ACTN1: variants seen among roughly 807,000 people sequenced by gnomAD.
ACTN1 encodes the protein alpha-actinin-1.
A neutral mutation model predicts 119.6 loss-of-function variants in ACTN1; 30 were observed. That is an observed-to-expected ratio of 0.25 (90% confidence interval 0.19 to 0.34). The LOEUF is 0.34. ACTN1 is among the 10% of genes least tolerant of loss of function. The pLI is 1.00. For missense variants in ACTN1, 764 were observed against 1,223.4 expected, an observed-to-expected ratio of 0.62 and a Z score of 5.60; for synonymous variants, 429 against 472.6, an observed-to-expected ratio of 0.91 and a Z score of 1.20.
chr14:68,882,639 G>C lies in ACTN1; in HGVS notation c.1819-47C>G, dbSNP rs767522648. ...GACTTTCAGGATGGGTCAGCCATCTGTCCATGTGCCAGATGAGGAAATGGA... is the reference window on the plus strand; with the variant it reads ...GACTTTCAGGATGGGTCAGCCATCTCTCCATGTGCCAGATGAGGAAATGGA... On this transcript the variant is annotated intron_variant, in intron 15 of 21. Coordinates refer to ENST00000394419, the MANE Select transcript of ACTN1 (RefSeq NM_001130004.2). The surrounding 1 kb of genome is among the most constrained non-coding windows in gnomAD (Gnocchi z 4.5). The C allele has an allele frequency of 6.2e-6, 10 of 1,608,900 alleles. No individual in the cohort carries two copies. The highest frequency in any genetic ancestry group is 8.5e-6 in the Non-Finnish European group (10 of 1,176,336).
rs1387781069 is a variant in ACTN1 at position 68,897,917 on chromosome 14, G to A, written c.763-4170C>T. The stretch of plus-strand genomic sequence containing the variant: ...ACTGCAGGCTCCGCCTGCATACCCC[G>A]AAGCTTCTTGCACAAGCTGTGGTCA... On this transcript the variant is annotated intron_variant, in intron 8 of 21. Coordinates refer to ENST00000394419, the MANE Select transcript of ACTN1 (RefSeq NM_001130004.2). Among the ~76,000 whole-genome samples the A allele has an allele frequency of 5.9e-5, 9 of 152,242 alleles. No homozygotes were observed. The South Asian group carries it at 8.3e-4, about 14-fold the overall frequency.
At position 68,885,578 on chromosome 14, in the gene ACTN1, G is replaced by A. The variant is rs765591478; in HGVS notation, c.1235-3C>T. 1.1e-5 allele frequency: 17 copies of A among 1,612,306 alleles called. No individual in the cohort carries two copies. Among genetic ancestry groups the A allele is most frequent in the Non-Finnish European group, 1.4e-5 (17 of 1,179,940 alleles). ...CTGTCGCAGCATGGCCTCTTTGCCT[G>A]GGTTGAGAGAGGGCCACATGGCTGA... On this transcript the variant is annotated splice_region_variant and splice_polypyrimidine_tract_variant and intron_variant, in intron 11 of 21. Coordinates refer to ENST00000394419, the MANE Select transcript of ACTN1 (RefSeq NM_001130004.2). The surrounding 1 kb of genome is among the most constrained non-coding windows in gnomAD (Gnocchi z 5.6).
intron 1 of ACTN1, among the ~76,000 whole-genome samples, chr14:68,962,569 T>C (rs1486585873): frequency 6.6e-6 from 1 of 152,188 alleles, no homozygotes. Context: ...GCTTCCAACC[T>C]GAGACTACTT....
At chr14:68,975,496 A>T (rs2037030530) in intron 1 of ACTN1, among the ~76,000 whole-genome samples, 1 of 152,132 alleles carries the variant, frequency 6.6e-6, no homozygotes. Flanking sequence ...ACAAGCCTGA[A>T]AATAATAGAG....
intron 1 of ACTN1, among the ~76,000 whole-genome samples, chr14:68,933,335 C>T (rs1165513739): frequency 3.3e-5 from 5 of 151,872 alleles, no homozygotes; most frequent in Non-Finnish European, 5.9e-5. Flanking sequence ...GGGGTTTCAC[C>T]GTGTTGGCCA....
At chr14:68,899,439 GAC>G (rs1161010484) in intron 8 of ACTN1, among the ~76,000 whole-genome samples, 15 of 113,656 alleles carry the variant, frequency 1.3e-4, no homozygotes, top group Admixed American at 8.5e-4. Context: ...ACACCCCCCA[GAC>G]ACACACCTTA....
chr14:68,944,250 G>A (rs1213178807), intron 1 of ACTN1, among the ~76,000 whole-genome samples: 1 of 152,206 alleles, frequency 6.6e-6, no homozygotes, highest in Non-Finnish European at 1.5e-5. Context: ...GAGAAAGACC[G>A]ATGAATAATT....
rs145918825 is a variant in ACTN1, at chr14:68,909,332, C to G, written c.580G>C (p.Gly194Arg). Reference protein sequence around the residue: ...HRHRPELIDYGKLRKDDPLTN... With the variant: ...HRHRPELIDYRKLRKDDPLTN... ...GGCACACATACCTTCCGCAGCTTCC[C>G]GTAGTCAATCAGCTCGGGCCGGTGT... The change falls in exon 6 of 22, where the codon GGG becomes CGG. Residue 194 changes from glycine to arginine, a missense_variant. Physicochemically the swap from Gly to Arg is moderately radical, Grantham distance 125 (BLOSUM62 -2). Coordinates refer to ENST00000394419, the MANE Select transcript of ACTN1 (RefSeq NM_001130004.2). This position sits in a 1 kb window ranked among gnomAD's most constrained non-coding sequence, Gnocchi z 4.1. 1 of 1,613,950 alleles carries G rather than the reference C, an allele frequency of 6.2e-7. No individual in the cohort carries two copies. Among genetic ancestry groups the G allele is most frequent in the East Asian group, 2.2e-5 (1 of 44,874 alleles).
intron 1 of ACTN1, among the ~76,000 whole-genome samples, chr14:68,969,751 A>G (rs1048105948): frequency 1.3e-5 from 2 of 152,188 alleles, no homozygotes; most frequent in Admixed American, 1.3e-4. Flanking sequence ...AAGAATTAAA[A>G]GCTCCACTTC....
At position 68,875,029 on chromosome 14, in the gene ACTN1, G is replaced by T. The variant is rs201818845; in HGVS notation, c.2587-12C>A. 6.2e-7 allele frequency: 1 copy of T among 1,611,918 alleles called. No homozygotes were observed. The highest frequency in any genetic ancestry group is 1.7e-5 in the Admixed American group (1 of 59,984). On this transcript the variant is annotated splice_polypyrimidine_tract_variant and intron_variant, in intron 21 of 21. Transcript: ENST00000394419. Reference sequence around the variant, plus strand: ...ATGGTAATGTAGTTCTGCGAGGAGAGAGTGGTCAGGAAGGCCGCAAAGTCC... The same window carrying T: ...ATGGTAATGTAGTTCTGCGAGGAGATAGTGGTCAGGAAGGCCGCAAAGTCC...
At chr14:68,975,624 G>C (rs2037035672) in intron 1 of ACTN1, among the ~76,000 whole-genome samples, 1 of 152,186 alleles carries the variant, frequency 6.6e-6, no homozygotes, top group African/African-American at 2.4e-5. Context: ...ACTGGGGGCT[G>C]CAGTCACCCT....
chr14:68,977,741 T>G (rs2037108225), intron 1 of ACTN1: 1 of 318,272 alleles, frequency 3.1e-6, no homozygotes, highest in Non-Finnish European at 6.2e-6. Context: ...TTTTTGGACA[T>G]GAGCGTTCTC....
At chr14:68,906,988 G>C (rs889509529) in intron 6 of ACTN1, among the ~76,000 whole-genome samples, 3 of 151,812 alleles carry the variant, frequency 2.0e-5, no homozygotes, top group South Asian at 2.1e-4. Flanking sequence ...AAAACAGAAG[G>C]GGGGCTGGGC....
At chr14:68,940,129 C>T (rs1026362592) in intron 1 of ACTN1, among the ~76,000 whole-genome samples, 2 of 152,230 alleles carry the variant, frequency 1.3e-5, no homozygotes, top group Admixed American at 1.3e-4. Context: ...ACCCCTCCCC[C>T]ATGTCTGGAG....
At chr14:68,920,054 C>T (rs2034557084) in intron 3 of ACTN1, among the ~76,000 whole-genome samples, 1 of 152,218 alleles carries the variant, frequency 6.6e-6, no homozygotes, top group Non-Finnish European at 1.5e-5. Flanking sequence ...GGGAAGGCCA[C>T]TCTCAGGGCA....
intron 1 of ACTN1, among the ~76,000 whole-genome samples, chr14:68,944,557 C>T (rs1439847536): frequency 6.6e-6 from 1 of 152,088 alleles, no homozygotes; most frequent in African/African-American, 2.4e-5. Flanking sequence ...AAACAATAAG[C>T]AAAGATTTTA....
chr14:68,950,387 G>C (rs374737636), intron 1 of ACTN1, among the ~76,000 whole-genome samples: 1 of 149,846 alleles, frequency 6.7e-6, no homozygotes, highest in South Asian at 2.1e-4. Context: ...CTGCTGAACT[G>C]TACGTACACT....
chr14:68,901,409 G>A (rs546870655), intron 8 of ACTN1, among the ~76,000 whole-genome samples: 11 of 151,876 alleles, frequency 7.2e-5, no homozygotes, highest in South Asian at 2.1e-4. Flanking sequence ...TATCACACCC[G>A]GCTAATTTTT....
Position 68,878,766 on chromosome 14 carries a change from C to T in ACTN1, c.2361+223G>A, listed in dbSNP as rs763831743. 64 of 1,549,448 alleles carry T rather than the reference C, an allele frequency of 4.1e-5. No homozygotes were observed. The highest frequency in any genetic ancestry group is 1.7e-4 in the Middle Eastern group (1 of 6,030). On this transcript the variant is annotated intron_variant, in intron 19 of 21. Coordinates refer to ENST00000394419, the MANE Select transcript of ACTN1 (RefSeq NM_001130004.2). This position sits in a 1 kb window ranked among gnomAD's most constrained non-coding sequence, Gnocchi z 4.4. Reference sequence around the variant, plus strand: ...AATCCACCCATGGGATGAAGAGCAGCGAGGACGGAAGACAGCGGGCACCCA... The same window carrying T: ...AATCCACCCATGGGATGAAGAGCAGTGAGGACGGAAGACAGCGGGCACCCA...
Sources: allele counts gnomAD v4.1 joint callset (sites outside exome capture counted in the v4.1 genomes callset), GRCh38; gene constraint gnomAD v4.1.1; non-coding constraint Gnocchi (gnomAD v3.1); transcripts MANE v1.5; gene names NCBI Gene and HGNC (gene_info 2026-07-23, HGNC 2026-07-21).